The following FAM135B variants were observed in gnomAD, a reference collection of about 807,000 sequenced individuals.
FAM135B encodes protein FAM135B.
In FAM135B, 43 loss-of-function variants were observed where a neutral mutation model predicts 127.7. That is an observed-to-expected ratio of 0.34 (90% CI 0.26 to 0.43). The LOEUF (loss-of-function observed/expected upper bound fraction) is 0.43. FAM135B is among the 20% of genes least tolerant of loss of function. The pLI is 1.00. For missense variants in FAM135B, 1,558 were observed against 1,725.6 expected (o/e 0.90, Z 1.72); for synonymous variants, 670 against 665.1 (o/e 1.01, Z -0.11).
intron 6 of FAM135B, among the ~76,000 whole-genome samples, chr8:138,244,582 C>T (rs1821138935): frequency 6.6e-6 from 1 of 152,174 alleles, no homozygotes; most frequent in Admixed American, 6.6e-5. Flanking sequence ...TTGCTAATAC[C>T]ACACATATAA....
chr8:138,202,193 T>C (rs955060458), intron 7 of FAM135B, among the ~76,000 whole-genome samples: 2 of 150,272 alleles, frequency 1.3e-5, no homozygotes, highest in Non-Finnish European at 3.0e-5. Context: ...TGGGAAAATA[T>C]TTGTATGGTT....
At chr8:138,388,066 G>T (rs145484659) in intron 1 of FAM135B, among the ~76,000 whole-genome samples, 1 of 152,058 alleles carries the variant, frequency 6.6e-6, no homozygotes, top group Non-Finnish European at 1.5e-5. Flanking sequence ...GAGATACCCC[G>T]ATTAAAAAGT....
chr8:138,242,954 C>T lies in FAM135B; in HGVS notation c.657G>A (p.Pro219=), dbSNP rs200488428. 331 of 1,613,360 alleles carry T rather than the reference C, an allele frequency of 2.1e-4. No individual in the cohort carries two copies. The highest frequency in any genetic ancestry group is 3.1e-4 in the East Asian group (14 of 44,846). The change falls in exon 7 of 20, where the codon CCG becomes CCA. Residue 219 remains proline (P), a synonymous_variant. Transcript: ENST00000395297. This position sits in a 1 kb window ranked among gnomAD's most constrained non-coding sequence, Gnocchi z 9.6. ...ACACAGGCCTTACCTCTGAGGAAGTCGGCTTGCAGTACCCAGCTCCAAAGA... is the reference window on the plus strand; with the variant it reads ...ACACAGGCCTTACCTCTGAGGAAGTTGGCTTGCAGTACCCAGCTCCAAAGA... ...NLVFGAGYCK[P]TSSEGSFYIT... is the part of the protein sequence containing the mutation.
intron 1 of FAM135B, among the ~76,000 whole-genome samples, chr8:138,414,119 C>CATATACATATATATATATAT (rs1554688248): frequency 8.0e-6 from 1 of 124,642 alleles, no homozygotes; most frequent in Non-Finnish European, 1.7e-5. Context: ...CACACAAATA[C>CATATACATATATATATATAT]ATATATATAT....
chr8:138,137,442 T>C (rs868773769), intron 18 of FAM135B, among the ~76,000 whole-genome samples, 182 bp from the exon 19 acceptor site: 1 of 152,082 alleles, frequency 6.6e-6, no homozygotes, highest in South Asian at 2.1e-4. Flanking sequence ...GCAGATGGCA[T>C]AGAGGTATCG....
At chr8:138,403,955 T>G (rs570804099) in intron 1 of FAM135B, among the ~76,000 whole-genome samples, 1 of 152,166 alleles carries the variant, frequency 6.6e-6, no homozygotes, top group Non-Finnish European at 1.5e-5. Flanking sequence ...CATCCTAACA[T>G]GAATAGGGAA....
At chr8:138,428,337 C>T (rs920020118) in intron 1 of FAM135B, among the ~76,000 whole-genome samples, 7 of 152,126 alleles carry the variant, frequency 4.6e-5, no homozygotes, top group Non-Finnish European at 1.0e-4. Flanking sequence ...AACGCCCAAA[C>T]TATCTTAGCT....
chr8:138,283,886 G>A lies in FAM135B; in HGVS notation c.158-18044C>T, dbSNP rs549742509. Among the ~76,000 whole-genome samples the A allele has an allele frequency of 5.9e-5, 9 of 151,974 alleles. No homozygotes were observed. In the South Asian group the frequency reaches 1.9e-3, roughly 32 times the overall value. ...TGAAGCTTCTGGGTCCACAGGGAAG[G>A]GAAATGCCATTCCAAGCAGAGGGAA... On this transcript the variant is annotated intron_variant, in intron 3 of 19. Transcript: ENST00000395297.
At chr8:138,488,012 CA>C (rs562458142) in intron 1 of FAM135B, among the ~76,000 whole-genome samples, 41 of 144,790 alleles carry the variant, frequency 2.8e-4, no homozygotes, top group East Asian at 1.6e-3. Flanking sequence ...TCAAAAAAAA[CA>C]AAAAAAAAAG....
At chr8:138,260,316 C>T (rs997501930) in intron 4 of FAM135B, among the ~76,000 whole-genome samples, 4 of 152,158 alleles carry the variant, frequency 2.6e-5, no homozygotes, top group Admixed American at 6.5e-5. Context: ...GCCTGTAAGC[C>T]GCTGGGCCCC....
intron 1 of FAM135B, among the ~76,000 whole-genome samples, chr8:138,458,942 G>A (rs1039499361): frequency 3.3e-5 from 5 of 152,132 alleles, no homozygotes; most frequent in African/African-American, 7.2e-5. Context: ...TGAAATTGCC[G>A]GCATGTACTG....
chr8:138,402,858 G>A (rs892055166), intron 1 of FAM135B, among the ~76,000 whole-genome samples: 1 of 152,156 alleles, frequency 6.6e-6, no homozygotes, highest in Non-Finnish European at 1.5e-5. Context: ...CCCCTGATGT[G>A]ATGGTTTTTG....
intron 2 of FAM135B, among the ~76,000 whole-genome samples, chr8:138,343,252 T>C (rs890488463): frequency 6.6e-5 from 10 of 152,156 alleles, no homozygotes; most frequent in South Asian, 4.1e-4. Flanking sequence ...GGGAATTGGC[T>C]CTCATGAAGC....
chr8:138,185,089 C>T (rs1407947743), intron 9 of FAM135B, among the ~76,000 whole-genome samples: 1 of 152,146 alleles, frequency 6.6e-6, no homozygotes, highest in Non-Finnish European at 1.5e-5. Flanking sequence ...GCCAGGAATT[C>T]CCTGACCTGC....
chr8:138,397,113 G>A (rs1346615391), intron 1 of FAM135B, among the ~76,000 whole-genome samples: 3 of 152,158 alleles, frequency 2.0e-5, no homozygotes, highest in South Asian at 2.1e-4. Flanking sequence ...CCCAAGAACC[G>A]GATGAGCTGC....
At chr8:138,404,094 T>C (rs1042243786) in intron 1 of FAM135B, among the ~76,000 whole-genome samples, 8 of 152,158 alleles carry the variant, frequency 5.3e-5, no homozygotes, top group African/African-American at 1.7e-4. Context: ...CTTGGTGATG[T>C]TGCAGGTTCA....
intron 2 of FAM135B, among the ~76,000 whole-genome samples, chr8:138,355,017 C>A (rs1830003558): frequency 6.6e-6 from 1 of 152,108 alleles, no homozygotes; most frequent in South Asian, 2.1e-4. Context: ...CCCTTCCTCC[C>A]ACCCTACAGC....
At chr8:138,301,265 T>C (rs1424239348) in intron 3 of FAM135B, among the ~76,000 whole-genome samples, 1 of 152,220 alleles carries the variant, frequency 6.6e-6, no homozygotes, top group Non-Finnish European at 1.5e-5. Context: ...ATAACTCAAA[T>C]GCCAGGCATC....
intron 1 of FAM135B, chr8:138,437,380 T>TCA: frequency 6.6e-6 from 1 of 152,232 alleles, no homozygotes; most frequent in African/African-American, 2.4e-5. Context: ...GCAGTTACTC[T>TCA]CATGCTGTTC....
Sources: allele counts gnomAD v4.1 joint callset (sites outside exome capture counted in the v4.1 genomes callset), GRCh38; gene constraint gnomAD v4.1.1; non-coding constraint Gnocchi (gnomAD v3.1); transcripts MANE v1.5; gene names NCBI Gene and HGNC (gene_info 2026-07-23, HGNC 2026-07-21).